NXPH2: variants seen among roughly 807,000 people sequenced by gnomAD.
NXPH2 encodes neurexophilin-2.
A neutral mutation model predicts 19.8 loss-of-function variants in NXPH2; 5 were observed. The observed-to-expected ratio is 0.25, with a 90% CI of 0.13 to 0.53. The LOEUF (loss-of-function observed/expected upper bound fraction) is 0.53. Ranked by LOEUF, NXPH2 falls within the 20% of genes least tolerant of loss-of-function variation. The pLI, the probability that NXPH2 is intolerant of heterozygous loss-of-function variation, is 0.96. For synonymous variants in NXPH2, 154 were observed against 127.4 expected (o/e 1.21, Z -1.41); for missense variants, 289 against 322.8 (o/e 0.90, Z 0.80).
chr2:138,725,114 T>C (rs1282928895), intron 1 of NXPH2, among the ~76,000 whole-genome samples: 1 of 152,242 alleles, frequency 6.6e-6, no homozygotes, highest in Non-Finnish European at 1.5e-5. Context: ...GTCTCAAATA[T>C]AAACAAAGAT....
intron 1 of NXPH2, among the ~76,000 whole-genome samples, chr2:138,727,023 C>T (rs754979183): frequency 6.6e-6 from 1 of 152,192 alleles, no homozygotes; most frequent in East Asian, 1.9e-4. Context: ...TAGTTGGAAT[C>T]ATATAGTAGA....
At position 138,677,837 on chromosome 2, in the gene NXPH2, T is replaced by A. The variant is rs367788387; in HGVS notation, c.52-6172A>T. On this transcript the variant is annotated intron_variant, in intron 1 of 1. Coordinates refer to ENST00000272641, the MANE Select transcript of NXPH2 (RefSeq NM_007226.3). ...TAAACATTTTTATTTTGGAATAATT[T>A]TAGTTTACAGAAAAGCTGCATAATA... Among the ~76,000 whole-genome samples, 17 of 152,324 alleles carry A rather than the reference T, an allele frequency of 1.1e-4. No individual in the cohort carries two copies. The South Asian group carries it at 3.3e-3, about 30-fold the overall frequency.
intron 1 of NXPH2, among the ~76,000 whole-genome samples, chr2:138,734,236 C>G (rs1681498980): frequency 6.6e-6 from 1 of 152,094 alleles, no homozygotes; most frequent in Non-Finnish European, 1.5e-5. Flanking sequence ...TAGAAGAAGA[C>G]TCTGTCACAA....
intron 1 of NXPH2, among the ~76,000 whole-genome samples, chr2:138,693,144 C>T (rs143478322): frequency 8.4e-4 from 128 of 152,222 alleles, no homozygotes; most frequent in African/African-American, 3.1e-3. Flanking sequence ...TCATGCTTTA[C>T]CTCTCAACAT....
intron 1 of NXPH2, among the ~76,000 whole-genome samples, chr2:138,745,502 G>T (rs560190246): frequency 1.4e-5 from 2 of 147,488 alleles, no homozygotes; most frequent in South Asian, 2.2e-4. Flanking sequence ...GCGGGGGGGG[G>T]GGGGTGTTGT....
At chr2:138,710,895 T>C (rs1480993813) in intron 1 of NXPH2, among the ~76,000 whole-genome samples, 1 of 152,096 alleles carries the variant, frequency 6.6e-6, no homozygotes, top group African/African-American at 2.4e-5. Flanking sequence ...CCCGACTTCC[T>C]CAGTCTCTCC....
rs973471877 is a variant in NXPH2, at chr2:138,669,745, C to T, written c.*1177G>A. On this transcript the variant is annotated 3_prime_UTR_variant, in exon 2 of 2. Coordinates refer to ENST00000272641, the MANE Select transcript of NXPH2 (RefSeq NM_007226.3). ...CATTCAGTTCTACCATATAGGACTG[C>T]TATTCACCCCCACAGGGAAGATGAG... Among the ~76,000 whole-genome samples, 3 of 151,936 alleles carry T rather than the reference C, an allele frequency of 2.0e-5. No individual in the cohort carries two copies. Among genetic ancestry groups the T allele is most frequent in the African/African-American group, 7.3e-5 (3 of 41,200 alleles).
rs539939853 is a variant in NXPH2 at position 138,718,389 on chromosome 2, TCAAA to T, written c.52-46728_52-46725del. Among the ~76,000 whole-genome samples the T allele has an allele frequency of 4.6e-5, 7 of 152,066 alleles. No homozygotes were observed. In the East Asian group the frequency reaches 9.7e-4, roughly 21 times the overall value. Reference sequence around the variant, plus strand: ...CTAAAACTCAAAGAAGCAAAGATTGTCAAACAAACAAACAAACAAACAAAACCCT... The same window carrying T: ...CTAAAACTCAAAGAAGCAAAGATTGTCAAACAAACAAACAAACAAAACCCT... On this transcript the variant is annotated intron_variant, in intron 1 of 1. Coordinates refer to ENST00000272641, the MANE Select transcript of NXPH2 (RefSeq NM_007226.3).
At chr2:138,726,899 T>C (rs1184909323) in intron 1 of NXPH2, among the ~76,000 whole-genome samples, 1 of 152,212 alleles carries the variant, frequency 6.6e-6, no homozygotes, top group Non-Finnish European at 1.5e-5. Flanking sequence ...TATAGTATCA[T>C]ACAGAATAGT....
intron 1 of NXPH2, among the ~76,000 whole-genome samples, chr2:138,692,297 C>T (rs1423667696): frequency 1.3e-5 from 2 of 152,162 alleles, no homozygotes; most frequent in Admixed American, 1.3e-4. Context: ...GGTATGAATT[C>T]CACAAGATAT....
At chr2:138,691,373 G>A (rs1680742612) in intron 1 of NXPH2, among the ~76,000 whole-genome samples, 1 of 152,180 alleles carries the variant, frequency 6.6e-6, no homozygotes, top group African/African-American at 2.4e-5. Flanking sequence ...CATAGCATCT[G>A]AAAATGACTG....
At chr2:138,750,503 G>T (rs1050686981) in intron 1 of NXPH2, among the ~76,000 whole-genome samples, 1 of 152,112 alleles carries the variant, frequency 6.6e-6, no homozygotes, top group Non-Finnish European at 1.5e-5. Flanking sequence ...AACATCATCA[G>T]AAGTAGAGCT....
chr2:138,694,989 T>C (rs1463894371), intron 1 of NXPH2, among the ~76,000 whole-genome samples: 9 of 152,164 alleles, frequency 5.9e-5, no homozygotes, highest in Admixed American at 5.9e-4. Flanking sequence ...CTGAATACGG[T>C]AGGCAATTGT....
intron 1 of NXPH2, among the ~76,000 whole-genome samples, chr2:138,757,981 T>C (rs1681942997): frequency 6.6e-6 from 1 of 152,096 alleles, no homozygotes; most frequent in Non-Finnish European, 1.5e-5. Context: ...ATTGTTAAGA[T>C]GTGGCTTTCA....
chr2:138,724,795 G>A (rs1681334299), intron 1 of NXPH2, among the ~76,000 whole-genome samples: 1 of 152,196 alleles, frequency 6.6e-6, no homozygotes, highest in Non-Finnish European at 1.5e-5. Flanking sequence ...TAATCAATTA[G>A]TTAATTAAAC....
chr2:138,688,093 G>T (rs1397818163), intron 1 of NXPH2, among the ~76,000 whole-genome samples: 1 of 152,190 alleles, frequency 6.6e-6, no homozygotes, highest in African/African-American at 2.4e-5. Flanking sequence ...TTGGTAGCTT[G>T]ATGGGGATGG....
chr2:138,688,975 CAT>C (rs1017143011), intron 1 of NXPH2, among the ~76,000 whole-genome samples: 7 of 152,208 alleles, frequency 4.6e-5, no homozygotes, highest in African/African-American at 7.2e-5. Context: ...ATAAAGCACA[CAT>C]GTTTAATAAA....
intron 1 of NXPH2, among the ~76,000 whole-genome samples, chr2:138,727,717 C>T (rs1295043247): frequency 6.6e-6 from 1 of 151,836 alleles, no homozygotes; most frequent in African/African-American, 2.4e-5. Flanking sequence ...TGTAGCTTGT[C>T]TTCTCCTTTT....
chr2:138,775,551 A>G (rs1403244409), intron 1 of NXPH2, among the ~76,000 whole-genome samples: 1 of 152,176 alleles, frequency 6.6e-6, no homozygotes, highest in Non-Finnish European at 1.5e-5. Context: ...AAAAATACTT[A>G]TGACGAAATA....
Sources: gnomAD v4.1 joint callset for allele counts (sites outside exome capture counted in the v4.1 genomes callset) on GRCh38, gnomAD v4.1.1 for gene constraint, MANE v1.5 for transcripts, NCBI Gene and HGNC (gene_info 2026-07-23, HGNC 2026-07-21) for gene names.